The following GPR20 variants were observed in gnomAD, a reference collection of about 807,000 sequenced individuals.
The protein encoded by GPR20 is G protein-coupled receptor 20, also known as CTD-3064M3.3.
For missense variants in GPR20, 494 were observed against 527.4 expected, an observed-to-expected ratio of 0.94 and a Z score of 0.62; for synonymous variants, 241 against 241.9, an observed-to-expected ratio of 1.00 and a Z score of 0.04.
chr8:141,365,424 T>G (rs1302861947), intron 1 of GPR20, among the ~76,000 whole-genome samples: 1 of 152,222 alleles, frequency 6.6e-6, no homozygotes, highest in African/African-American at 2.4e-5. Context: ...TCCCAGTGCC[T>G]GGGATCAGCC....
At chr8:141,360,814 C>G (rs1459165181) in intron 1 of GPR20, among the ~76,000 whole-genome samples, 1 of 152,240 alleles carries the variant, frequency 6.6e-6, no homozygotes, top group Non-Finnish European at 1.5e-5. Context: ...GCCACTCCCT[C>G]AGCTGAGACC....
Position 141,357,510 on chromosome 8 carries a change from G to C in GPR20, c.414C>G (p.Ile138Met). The C allele has an allele frequency of 6.2e-7, 1 of 1,613,538 alleles. No homozygotes were observed. The highest frequency in any genetic ancestry group is 8.5e-7 in the Non-Finnish European group (1 of 1,179,986). ...LGYFLNMHCS[I>M]LFLTCICVDR... is the part of the protein sequence containing the mutation. ...CCACGCAGATGCAGGTGAGGAAGAG[G>C]ATGGAGCAGTGCATGTTGAGGAAGT... The change falls in exon 2 of 2, where the codon ATC becomes ATG. Residue 138 changes from isoleucine to methionine, a missense_variant. Ile to Met is a conservative substitution (Grantham distance 10). Coordinates refer to ENST00000377741, the MANE Select transcript of GPR20 (RefSeq NM_005293.3).
Position 141,357,470 on chromosome 8 carries a change from T to C in GPR20, c.454A>G (p.Ile152Val), listed in dbSNP as rs754428490. The C allele has an allele frequency of 1.2e-6, 2 of 1,612,366 alleles. No homozygotes were observed. The highest frequency in any genetic ancestry group is 1.7e-6 in the Non-Finnish European group (2 of 1,179,700). ...CGGCGGGAGCCTTCGGGCCGCACGA[T>C]GGCCAGGTAGCGGTCCACGCAGATG... is the stretch of plus-strand genomic sequence containing the variant. ...TCICVDRYLA[I>V]VRPEGSRRCR... Residue 152 changes from isoleucine to valine, a missense_variant, in exon 2 of 2, where the codon ATC becomes GTC. Ile to Val is a conservative substitution (Grantham distance 29, BLOSUM62 3). Transcript: ENST00000377741.
At chr8:141,366,272 C>T (rs1374943678) in intron 1 of GPR20, among the ~76,000 whole-genome samples, 3 of 152,126 alleles carry the variant, frequency 2.0e-5, no homozygotes, top group East Asian at 1.9e-4. Context: ...TGGAGCCCAG[C>T]GACTGGATGA....
chr8:141,360,967 G>T (rs1019360698), intron 1 of GPR20, among the ~76,000 whole-genome samples: 1 of 152,212 alleles, frequency 6.6e-6, no homozygotes, highest in Non-Finnish European at 1.5e-5. Flanking sequence ...GGGAGGCAGG[G>T]CCCTGTCCCC....
At chr8:141,364,354 C>T (rs191063312) in intron 1 of GPR20, among the ~76,000 whole-genome samples, 22 of 152,362 alleles carry the variant, frequency 1.4e-4, no homozygotes, top group African/African-American at 5.3e-4. Flanking sequence ...CTTGGTTTCA[C>T]AGCATCTGCT....
chr8:141,366,289 G>A (rs890051188), intron 1 of GPR20, among the ~76,000 whole-genome samples: 2 of 152,210 alleles, frequency 1.3e-5, no homozygotes, highest in Non-Finnish European at 2.9e-5. Context: ...ATGAGTCCTG[G>A]GGGGAGAGGG....
At chr8:141,363,120 G>A (rs1018685855) in intron 1 of GPR20, among the ~76,000 whole-genome samples, 5 of 152,236 alleles carry the variant, frequency 3.3e-5, no homozygotes, top group East Asian at 1.9e-4. Flanking sequence ...CACCTTCGAG[G>A]CCTCGGGCAA....
intron 1 of GPR20, among the ~76,000 whole-genome samples, chr8:141,362,758 C>T (rs1035662390): frequency 2.0e-5 from 3 of 151,900 alleles, no homozygotes; most frequent in African/African-American, 7.3e-5. Context: ...CACCCTCTAT[C>T]TCCCATCACC....
chr8:141,360,336 C>T (rs993147058), intron 1 of GPR20, among the ~76,000 whole-genome samples: 4 of 152,202 alleles, frequency 2.6e-5, no homozygotes, highest in African/African-American at 7.2e-5. Context: ...CACTCTGAGC[C>T]CTGACCCTGG....
Position 141,357,797 on chromosome 8 carries a change from C to G in GPR20, c.127G>C (p.Glu43Gln), listed in dbSNP as rs1294299280. The G allele has an allele frequency of 3.1e-6, 5 of 1,613,430 alleles. No individual in the cohort carries two copies. The highest frequency in any genetic ancestry group is 4.2e-6 in the Non-Finnish European group (5 of 1,179,944). The part of the protein sequence containing the change: ...PLFHLFARLD[E>Q]ELHGTFPGLW... Reference sequence around the variant, plus strand: ...CCTGGGAAGGTGCCATGCAGCTCCTCGTCCAGCCGGGCAAACAGGTGGAAC... The same window carrying G: ...CCTGGGAAGGTGCCATGCAGCTCCTGGTCCAGCCGGGCAAACAGGTGGAAC... The change falls in exon 2 of 2, where the codon GAG becomes CAG. Residue 43 changes from glutamate (E) to glutamine (Q), a missense_variant. By Grantham distance (29) the Glu-to-Gln change is conservative. Coordinates refer to ENST00000377741, the MANE Select transcript of GPR20 (RefSeq NM_005293.3).
At chr8:141,358,473 G>A (rs1831686423) in intron 1 of GPR20, among the ~76,000 whole-genome samples, 1 of 152,208 alleles carries the variant, frequency 6.6e-6, no homozygotes, top group Non-Finnish European at 1.5e-5. Context: ...GGTCAGCACG[G>A]CAGCGCCAGC....
At chr8:141,362,701 C>T (rs1384462549) in intron 1 of GPR20, among the ~76,000 whole-genome samples, 1 of 152,222 alleles carries the variant, frequency 6.6e-6, no homozygotes, top group Admixed American at 6.5e-5. Flanking sequence ...CTCCCGGAAG[C>T]CCGTCCTAAT....
At chr8:141,366,870 G>A (rs1831821009) in intron 1 of GPR20, among the ~76,000 whole-genome samples, 1 of 152,218 alleles carries the variant, frequency 6.6e-6, no homozygotes, top group Admixed American at 6.5e-5. Flanking sequence ...GCAGATGCTC[G>A]GTGAGTGTTG....
chr8:141,361,160 C>T (rs540966687), intron 1 of GPR20, among the ~76,000 whole-genome samples: 1 of 152,362 alleles, frequency 6.6e-6, no homozygotes, highest in African/African-American at 2.4e-5. Context: ...TGTTGGGGCT[C>T]AGGGCCTGGA....
Position 141,357,761 on chromosome 8 carries a change from C to T in GPR20, c.163G>A (p.Ala55Thr), listed in dbSNP as rs141104231. ...LHGTFPGLWL[A>T]LMAVHGAIFL... is the part of the protein sequence containing the mutation. Reference sequence around the variant, plus strand: ...ATGGCTCCGTGCACCGCCATCAGCGCCAGCCACAGGCCTGGGAAGGTGCCA... The same window carrying T: ...ATGGCTCCGTGCACCGCCATCAGCGTCAGCCACAGGCCTGGGAAGGTGCCA... Residue 55 changes from alanine (A) to threonine (T), a missense_variant, in exon 2 of 2, where the codon GCG becomes ACG. Ala to Thr is a moderately conservative substitution (Grantham distance 58, BLOSUM62 0). Coordinates refer to ENST00000377741, the MANE Select transcript of GPR20 (RefSeq NM_005293.3). 12 of 1,613,320 alleles carry T rather than the reference C, an allele frequency of 7.4e-6. 1 individual carries two copies. Among genetic ancestry groups the T allele is most frequent in the African/African-American group, 2.7e-5 (2 of 74,944 alleles).
At position 141,357,899 on chromosome 8, in the gene GPR20, G is replaced by A. The variant is rs149500874; in HGVS notation, c.25C>T (p.Pro9Ser). 15 of 1,576,474 alleles carry A rather than the reference G, an allele frequency of 9.5e-6. No individual in the cohort carries two copies. Among genetic ancestry groups the A allele is most frequent in the Admixed American group, 1.8e-5 (1 of 56,026 alleles). ...GCATTGGGGACTGCCCCGGCCGAGG[G>A]CCCCGCTGGAGACACAGAGGGCATG... MPSVSPAGPSAGAVPNATA... is the reference protein window; with the variant it reads MPSVSPAGSSAGAVPNATA... The change falls in exon 2 of 2, where the codon CCC (proline) becomes TCC (serine). Residue 9 changes from proline (P) to serine (S), a missense_variant. By Grantham distance (74) the Pro-to-Ser change is moderately conservative. Transcript: ENST00000377741.
chr8:141,363,013 A>C (rs1051386685), intron 1 of GPR20, among the ~76,000 whole-genome samples: 9 of 151,982 alleles, frequency 5.9e-5, no homozygotes, highest in Non-Finnish European at 1.3e-4. Context: ...TTGGCCTCCC[A>C]AACTACTGGG....
At chr8:141,358,388 G>A (rs139982237) in intron 1 of GPR20, among the ~76,000 whole-genome samples, 11 of 152,330 alleles carry the variant, frequency 7.2e-5, no homozygotes, top group Non-Finnish European at 1.0e-4. Flanking sequence ...GCTCGGGTAG[G>A]CCACTTAACC....
Sources: allele counts gnomAD v4.1 joint callset (sites outside exome capture counted in the v4.1 genomes callset), GRCh38; gene constraint gnomAD v4.1.1; transcripts MANE v1.5; gene names NCBI Gene and HGNC (gene_info 2026-07-23, HGNC 2026-07-21).